LSAMP: variants seen among roughly 807,000 people sequenced by gnomAD.
LSAMP encodes limbic system associated membrane protein, also known as limbic system-associated membrane protein.
Under a neutral mutation model 38.6 loss-of-function variants are expected in LSAMP, and 7 were observed. The observed-to-expected ratio is 0.18, with a 90% CI of 0.10 to 0.34. The LOEUF (loss-of-function observed/expected upper bound fraction) is 0.34, where lower values mean the gene tolerates loss of function less well. LSAMP is among the 10% of genes least tolerant of loss of function. The pLI is 1.00. For synonymous variants in LSAMP, 154 were observed against 166.8 expected, an observed-to-expected ratio of 0.92 and a Z score of 0.59; for missense variants, 313 against 420.0, an observed-to-expected ratio of 0.75 and a Z score of 2.23.
At chr3:115,861,479 C>T (rs753339638) in intron 3 of LSAMP, among the ~76,000 whole-genome samples, 2 of 151,486 alleles carry the variant, frequency 1.3e-5, no homozygotes, top group East Asian at 1.9e-4. Context: ...GATTCTGAGG[C>T]GGTGTCTGGG....
chr3:116,164,751 TATATATA>T (rs1710002472), intron 1 of LSAMP, among the ~76,000 whole-genome samples: 4 of 54,024 alleles, frequency 7.4e-5, no homozygotes, highest in African/African-American at 1.1e-4. Context: ...TCCATATATA[TATATATA>T]TATTTTTTTT....
At chr3:116,224,722 T>C (rs1423888248) in intron 1 of LSAMP, among the ~76,000 whole-genome samples, 7 of 152,268 alleles carry the variant, frequency 4.6e-5, no homozygotes, top group Admixed American at 2.6e-4. Flanking sequence ...TACAATGGAA[T>C]AGGCAATCTT....
intron 3 of LSAMP, among the ~76,000 whole-genome samples, chr3:115,983,745 C>T (rs1270739718): frequency 2.0e-5 from 3 of 151,986 alleles, no homozygotes; most frequent in African/African-American, 7.3e-5. Context: ...GAGGACAGTG[C>T]CTAGTGGAAA....
intron 3 of LSAMP, among the ~76,000 whole-genome samples, chr3:115,982,137 G>T (rs147310476): frequency 6.6e-6 from 1 of 152,172 alleles, no homozygotes; most frequent in Non-Finnish European, 1.5e-5. Flanking sequence ...TTCATTCTAC[G>T]GATAGGGAAA....
chr3:115,860,908 T>G (rs1935658452), intron 3 of LSAMP, among the ~76,000 whole-genome samples: 1 of 152,196 alleles, frequency 6.6e-6, no homozygotes, highest in Non-Finnish European at 1.5e-5. Context: ...GGACATGCAC[T>G]GGGATGTGAC....
intron 1 of LSAMP, among the ~76,000 whole-genome samples, chr3:116,266,036 G>A (rs902345143): frequency 6.6e-6 from 1 of 152,012 alleles, no homozygotes. Flanking sequence ...TAACAGAAGG[G>A]AAGTACTTTA....
At chr3:116,155,998 G>A (rs1338155464) in intron 1 of LSAMP, among the ~76,000 whole-genome samples, 1 of 152,096 alleles carries the variant, frequency 6.6e-6, no homozygotes, top group African/African-American at 2.4e-5. Flanking sequence ...CATGTGGCAG[G>A]GCTCTGTAAT....
In LSAMP at chr3:115,859,796, A is replaced by G. The variant is rs565994866; in HGVS notation, c.515-7179T>C. On this transcript the variant is annotated intron_variant, in intron 3 of 6. Coordinates refer to ENST00000490035, the MANE Select transcript of LSAMP (RefSeq NM_002338.5). The stretch of plus-strand genomic sequence containing the variant: ...ACATATAAAAAATAAGCCAGCTGAA[A>G]TAGTTTGAGCTGAGTTTCCAGCCTG... Among the ~76,000 whole-genome samples, 4 of 152,342 alleles carry G rather than the reference A, an allele frequency of 2.6e-5. No individual in the cohort carries two copies. The South Asian group carries it at 8.3e-4, about 32-fold the overall frequency.
chr3:116,270,062 C>T (rs2046949621), intron 1 of LSAMP, among the ~76,000 whole-genome samples: 1 of 152,176 alleles, frequency 6.6e-6, no homozygotes, highest in Admixed American at 6.6e-5. Context: ...CACCTGCAAT[C>T]CTGTTACCCA....
chr3:116,444,022 C>A (rs1001730382), intron 1 of LSAMP, among the ~76,000 whole-genome samples: 2 of 152,128 alleles, frequency 1.3e-5, no homozygotes, highest in Non-Finnish European at 2.9e-5. Flanking sequence ...ACTCTTCTTT[C>A]CAAATTTCAA....
At chr3:116,176,891 TA>T (rs989595636) in intron 1 of LSAMP, among the ~76,000 whole-genome samples, 6 of 152,160 alleles carry the variant, frequency 3.9e-5, no homozygotes, top group Admixed American at 6.5e-5. Flanking sequence ...AAGCGTTCTT[TA>T]AGGTTAGTAT....
At chr3:115,817,916 T>C (rs1934082541) in intron 6 of LSAMP, among the ~76,000 whole-genome samples, 1 of 152,210 alleles carries the variant, frequency 6.6e-6, no homozygotes, top group Middle Eastern at 3.2e-3. Flanking sequence ...ATACTGCCAC[T>C]TGTTTCCTTT....
At chr3:116,355,331 T>C (rs1475447987) in intron 1 of LSAMP, among the ~76,000 whole-genome samples, 1 of 152,092 alleles carries the variant, frequency 6.6e-6, no homozygotes, top group Non-Finnish European at 1.5e-5. Context: ...AGAACATACA[T>C]TGGGAAAAAG....
At chr3:116,234,965 AAG>A (rs1183411625) in intron 1 of LSAMP, among the ~76,000 whole-genome samples, 10 of 152,154 alleles carry the variant, frequency 6.6e-5, no homozygotes, top group Non-Finnish European at 1.3e-4. Context: ...TCCTATAAGA[AAG>A]ACTTTAAATC....
intron 6 of LSAMP, among the ~76,000 whole-genome samples, chr3:115,831,115 A>G (rs920036724): frequency 2.0e-5 from 3 of 152,198 alleles, no homozygotes; most frequent in African/African-American, 4.8e-5. Context: ...CATTTTATCA[A>G]TGGAAAAACA....
At position 116,434,933 on chromosome 3, in the gene LSAMP, T is replaced by C. The variant is rs543084409; in HGVS notation, c.155+9944A>G. On this transcript the variant is annotated intron_variant, in intron 1 of 6. Coordinates refer to ENST00000490035, the MANE Select transcript of LSAMP (RefSeq NM_002338.5). The stretch of plus-strand genomic sequence containing the variant: ...ATACTGGAAAACAACAGGCCTTGCA[T>C]AGGTCATCTCAGGTCCTTCATTCTG... Among the ~76,000 whole-genome samples, 19 of 152,294 alleles carry C rather than the reference T, an allele frequency of 1.2e-4. No individual in the cohort carries two copies. In the East Asian group the frequency reaches 3.3e-3, roughly 26 times the overall value.
intron 1 of LSAMP, among the ~76,000 whole-genome samples, chr3:116,242,925 GAGTT>G (rs2046557574): frequency 6.6e-6 from 1 of 152,196 alleles, no homozygotes; most frequent in Admixed American, 6.5e-5. Flanking sequence ...TGATTTGACT[GAGTT>G]AGTCAGGTCT....
At chr3:115,992,366 A>T (rs1033845196) in intron 3 of LSAMP, among the ~76,000 whole-genome samples, 1 of 151,952 alleles carries the variant, frequency 6.6e-6, no homozygotes, top group Non-Finnish European at 1.5e-5. Context: ...CAGGTCAAAA[A>T]ATCTTTATTT....
intron 3 of LSAMP, among the ~76,000 whole-genome samples, chr3:115,910,789 A>ACAGTATGCAACTGTTGG (rs1937117185): frequency 6.6e-6 from 1 of 152,186 alleles, no homozygotes; most frequent in East Asian, 1.9e-4. Context: ...ATGAAGTTAT[A>ACAGTATGCAACTGTTGG]CAGTATGCAA....
Sources: allele counts gnomAD v4.1 joint callset (sites outside exome capture counted in the v4.1 genomes callset), GRCh38; gene constraint gnomAD v4.1.1; transcripts MANE v1.5; gene names NCBI Gene and HGNC (gene_info 2026-07-23, HGNC 2026-07-21).